The following MBTD1 variants were observed in gnomAD, a reference collection of about 807,000 sequenced individuals.
The protein encoded by MBTD1 is mbt domain containing 1.
Under a neutral mutation model 87.8 loss-of-function variants are expected in MBTD1, and 24 were observed. The ratio of observed to expected loss-of-function variants is 0.27; its 90% CI spans 0.20 to 0.38. The LOEUF (loss-of-function observed/expected upper bound fraction) is 0.38, where lower values mean the gene tolerates loss of function less well. Ranked by LOEUF, MBTD1 falls within the 10% of genes least tolerant of loss-of-function variation. The probability of loss-of-function intolerance (pLI) is 1.00; values close to 1 mark genes in which losing one functional copy is unlikely to be tolerated. For synonymous variants in MBTD1, 237 were observed against 248.6 expected (o/e 0.95, Z 0.44); for missense variants, 436 against 760.2 (o/e 0.57, Z 5.02).
At chr17:51,226,066 A>T (rs2143727512) in intron 2 of MBTD1, among the ~76,000 whole-genome samples, 1 of 149,834 alleles carries the variant, frequency 6.7e-6, no homozygotes, top group East Asian at 2.1e-4. Flanking sequence ...GGTGTGAGGC[A>T]CCACACCCAG....
intron 12 of MBTD1, among the ~76,000 whole-genome samples, chr17:51,197,106 A>G (rs2051176807): frequency 4.4e-5 from 1 of 22,630 alleles, no homozygotes; most frequent in South Asian, 1.5e-3. Context: ...ATATATATAT[A>G]TATATATATA....
chr17:51,259,730 CAGGCCAGGGAGCG>C, intron 1 of MBTD1, 92 bp downstream of exon 1: 1 of 1,084,654 alleles, frequency 9.2e-7, no homozygotes, highest in Non-Finnish European at 1.2e-6. Context: ...GATGGAGAAG[CAGGCCAGGGAGCG>C]GGGTCAGGGA....
intron 3 of MBTD1, among the ~76,000 whole-genome samples, chr17:51,223,263 T>A (rs9912296): frequency 0.12 from 18,066 of 151,652 alleles, 1,813 homozygotes; most frequent in African/African-American, 0.27. Context: ...CAGGGTGCAG[T>A]GGCTCACACC....
chr17:51,256,063 C>T (rs963329638), intron 2 of MBTD1, among the ~76,000 whole-genome samples: 2 of 152,058 alleles, frequency 1.3e-5, no homozygotes, highest in South Asian at 2.1e-4. Flanking sequence ...TTATATACAA[C>T]CAGTTTTAAA....
chr17:51,226,411 G>A (rs1260440583), intron 2 of MBTD1, among the ~76,000 whole-genome samples: 1 of 151,298 alleles, frequency 6.6e-6, no homozygotes, highest in Non-Finnish European at 1.5e-5. Flanking sequence ...AGCTATGTGG[G>A]AGGATCACTA....
intron 12 of MBTD1, among the ~76,000 whole-genome samples, chr17:51,198,783 C>CG (rs1347868644): frequency 3.9e-5 from 6 of 151,982 alleles, no homozygotes; most frequent in African/African-American, 1.5e-4. Context: ...GACATGGAGT[C>CG]GATCATGGGA....
At chr17:51,205,519 C>A (rs2051766886) in intron 7 of MBTD1, among the ~76,000 whole-genome samples, 1 of 152,116 alleles carries the variant, frequency 6.6e-6, no homozygotes, top group African/African-American at 2.4e-5. Flanking sequence ...AATGCTTATA[C>A]AGCTGGGAAA....
intron 6 of MBTD1, chr17:51,209,580 A>C: frequency 2.3e-6 from 1 of 439,710 alleles, no homozygotes; most frequent in Non-Finnish European, 4.7e-6. Flanking sequence ...GATCATTCCC[A>C]GATGGTCCAA....
chr17:51,208,762 C>T (rs2052002788), intron 6 of MBTD1, among the ~76,000 whole-genome samples: 1 of 152,144 alleles, frequency 6.6e-6, no homozygotes, highest in Non-Finnish European at 1.5e-5. Flanking sequence ...TACAGTACTC[C>T]TTTTTGAGCT....
chr17:51,207,268 C>T (rs1254031621), intron 6 of MBTD1, among the ~76,000 whole-genome samples: 1 of 152,050 alleles, frequency 6.6e-6, no homozygotes, highest in Admixed American at 6.6e-5. Context: ...AGCGATTTTT[C>T]TATGAGTGGA....
chr17:51,194,414 A>G (rs1223928799), intron 13 of MBTD1, among the ~76,000 whole-genome samples: 1 of 151,980 alleles, frequency 6.6e-6, no homozygotes, highest in Non-Finnish European at 1.5e-5. Flanking sequence ...TACTAAAAAT[A>G]GAAAAATCAG....
In MBTD1 at chr17:51,219,044, C is replaced by A; in HGVS notation, c.289G>T (p.Gly97Cys). The change falls in exon 5 of 17, where the codon GGT becomes TGT. Residue 97 changes from glycine (G) to cysteine (C), a missense_variant and splice_region_variant. Physicochemically the swap from Gly to Cys is radical, Grantham distance 159 (BLOSUM62 -3). Transcript: ENST00000586178. ...TTTGCTTTCTTTGTTGGAGGCTTAC[C>A]CTAAAACAAGAAAAGTTAAGTAAAT... is the stretch of plus-strand genomic sequence containing the variant. ...KKASILARLQGKPPTKKAKVL... is the reference protein window; with the variant it reads ...KKASILARLQCKPPTKKAKVL... The A allele has an allele frequency of 6.6e-7, 1 of 1,513,324 alleles. No homozygotes were observed. The highest frequency in any genetic ancestry group is 9.0e-7 in the Non-Finnish European group (1 of 1,112,302). 93.7% of individuals were successfully genotyped at this position (1,513,324 alleles called of 1,614,324 possible).
rs1211320711 is a variant in MBTD1 at position 51,177,732 on chromosome 17, C to T, written c.*2844G>A. The T allele has an allele frequency of 6.6e-6, 1 of 152,156 alleles. No individual in the cohort carries two copies. Among genetic ancestry groups the T allele is most frequent in the Non-Finnish European group, 1.5e-5 (1 of 68,028 alleles). 9.4% of individuals were successfully genotyped at this position (152,156 alleles called of 1,614,324 possible). ...TGATGTAAAAACCTTATGCAGTTTA[C>T]TTTGACCTCTGTCCTCAAAAGATTT... is the stretch of plus-strand genomic sequence containing the variant. On this transcript the variant is annotated 3_prime_UTR_variant, in exon 17 of 17. Coordinates refer to ENST00000586178, the MANE Select transcript of MBTD1 (RefSeq NM_017643.3).
chr17:51,218,915 A>G lies in MBTD1; in HGVS notation c.403+15T>C, dbSNP rs2052731613. The G allele has an allele frequency of 7.1e-7, 1 of 1,414,402 alleles. No homozygotes were observed. Among genetic ancestry groups the G allele is most frequent in the Non-Finnish European group, 9.8e-7 (1 of 1,022,374 alleles). 87.6% of individuals were successfully genotyped at this position (1,414,402 alleles called of 1,614,324 possible). On this transcript the variant is annotated intron_variant, in intron 5 of 16. Coordinates refer to ENST00000586178, the MANE Select transcript of MBTD1 (RefSeq NM_017643.3). ...ATGTCATATATTTCACCTCTGTCAG[A>G]TTCACCAATATTACCTGCTTTTGTC...
rs776158192 is a variant in MBTD1 at position 51,254,686 on chromosome 17, C to G, written c.-49+4457G>C. Among the ~76,000 whole-genome samples, 3 of 152,172 alleles carry G rather than the reference C, an allele frequency of 2.0e-5. No homozygotes were observed. The South Asian group carries it at 6.2e-4, about 31-fold the overall frequency. ...ATTACTTGGGTCTCAGTTTCCCTCT[C>G]TTCTAAATAAGAAAAACATCACTTA... On this transcript the variant is annotated intron_variant, in intron 2 of 16. Transcript: ENST00000586178.
intron 2 of MBTD1, among the ~76,000 whole-genome samples, chr17:51,254,866 T>C (rs2054991681): frequency 6.6e-6 from 1 of 152,228 alleles, no homozygotes; most frequent in African/African-American, 2.4e-5. Flanking sequence ...TGCAGTGGCC[T>C]AGAGATTCCC....
At chr17:51,259,030 G>C (rs954379435) in intron 2 of MBTD1, 113 bp downstream of exon 2, 1 of 396,200 alleles carries the variant, frequency 2.5e-6, no homozygotes, top group South Asian at 1.4e-4. Context: ...TGAGACTGAA[G>C]GGTCTAATAA....
At chr17:51,193,871 TGA>T (rs1346113732) in intron 13 of MBTD1, among the ~76,000 whole-genome samples, 1 of 152,218 alleles carries the variant, frequency 6.6e-6, no homozygotes, top group Non-Finnish European at 1.5e-5. Context: ...TCCTCCTACC[TGA>T]GTCTCCCAAA....
At chr17:51,193,099 G>T in intron 14 of MBTD1, 83 bp from the exon 15 acceptor site, 2 of 784,380 alleles carry the variant, frequency 2.5e-6, no homozygotes, top group Non-Finnish European at 4.2e-6. Flanking sequence ...GCAAAAAACA[G>T]AAGCGACTAG....
Sources: allele counts gnomAD v4.1 joint callset (sites outside exome capture counted in the v4.1 genomes callset), GRCh38; gene constraint gnomAD v4.1.1; transcripts MANE v1.5; gene names NCBI Gene and HGNC (gene_info 2026-07-23, HGNC 2026-07-21).